GLIS3: variants seen among roughly 807,000 people sequenced by gnomAD.
The protein encoded by GLIS3 is zinc finger protein GLIS3.
A neutral mutation model predicts 78.6 loss-of-function variants in GLIS3; 53 were observed. The ratio of observed to expected loss-of-function variants is 0.67; its 90% confidence interval spans 0.54 to 0.85. The LOEUF is 0.85. Ranked by LOEUF, GLIS3 falls within the 40% of genes least tolerant of loss-of-function variation. The pLI, the probability that GLIS3 is intolerant of heterozygous loss-of-function variation, is 0.00. For synonymous variants in GLIS3, 684 were observed against 509.9 expected, an observed-to-expected ratio of 1.34 and a Z score of -4.60; for missense variants, 1,703 against 1,231.1, an observed-to-expected ratio of 1.38 and a Z score of -5.74.
At chr9:4,307,781 A>G (rs1316087767) in intron 4 of GLIS3, among the ~76,000 whole-genome samples, 1 of 152,124 alleles carries the variant, frequency 6.6e-6, no homozygotes, top group Non-Finnish European at 1.5e-5. Flanking sequence ...TTAACCAAGG[A>G]ATATGGGCAG....
At chr9:3,882,689 T>C (rs1177171012) in intron 7 of GLIS3, among the ~76,000 whole-genome samples, 1 of 152,146 alleles carries the variant, frequency 6.6e-6, no homozygotes, top group East Asian at 1.9e-4. Flanking sequence ...TTGAATGCTA[T>C]GGCTGGTGAA....
chr9:4,441,281 T>G, the GLIS3 span, among the ~76,000 whole-genome samples: 1 of 152,188 alleles, frequency 6.6e-6, no homozygotes, highest in African/African-American at 2.4e-5. Flanking sequence ...ATGATGTTAG[T>G]TGTGGGTCTG....
chr9:4,153,948 G>C (rs1037284078), intron 2 of GLIS3, among the ~76,000 whole-genome samples: 2 of 152,114 alleles, frequency 1.3e-5, no homozygotes, highest in Non-Finnish European at 2.9e-5. Flanking sequence ...ATGTCACCTA[G>C]GACAGCAGTC....
At chr9:3,891,607 CAGG>C (rs1195533956) in intron 7 of GLIS3, among the ~76,000 whole-genome samples, 3 of 152,094 alleles carry the variant, frequency 2.0e-5, no homozygotes, top group African/African-American at 4.8e-5. Flanking sequence ...AAGGCTGAGG[CAGG>C]AGGATGACTT....
At position 4,285,990 on chromosome 9, in the gene GLIS3, G is replaced by C. The variant is rs775373838; in HGVS notation, c.388+48C>G. The stretch of plus-strand genomic sequence containing the variant: ...TGCTGGCAGAAAATGGGATGGGGGA[G>C]AAAAAAATCGTTTCCATTTTTAAAA... On this transcript the variant is annotated intron_variant, in intron 2 of 10. Coordinates refer to ENST00000381971, the MANE Select transcript of GLIS3 (RefSeq NM_001042413.2). The C allele has an allele frequency of 7.5e-6, 12 of 1,609,690 alleles. No individual in the cohort carries two copies. The East Asian group carries it at 8.9e-5, about 12-fold the overall frequency.
rs576843841 is a variant in GLIS3 at position 4,285,933 on chromosome 9, T to C, written c.388+105A>G. On this transcript the variant is annotated intron_variant, in intron 2 of 10. Transcript: ENST00000381971. ...ATTATGAGACCATCATCTTTGACCCTGACACTGAATCATGTATTTTTCCAT... is the reference window on the plus strand; with the variant it reads ...ATTATGAGACCATCATCTTTGACCCCGACACTGAATCATGTATTTTTCCAT... 1.8e-5 allele frequency: 24 copies of C among 1,359,504 alleles called. 2 individuals carry two copies. In the South Asian group the frequency reaches 2.8e-4, roughly 16 times the overall value. 84.2% of individuals were successfully genotyped at this position (1,359,504 alleles called of 1,614,324 possible).
At chr9:4,330,637 G>C (rs111925762) in intron 2 of GLIS3, among the ~76,000 whole-genome samples, 11 of 15,154 alleles carry the variant, frequency 7.3e-4, no homozygotes, top group African/African-American at 1.8e-3. Context: ...ATGGAGATGA[G>C]GAGAGGTGGA....
At chr9:4,000,008 C>T (rs1821019738) in intron 4 of GLIS3, among the ~76,000 whole-genome samples, 1 of 152,096 alleles carries the variant, frequency 6.6e-6, no homozygotes, top group Non-Finnish European at 1.5e-5. Context: ...CGTACATATG[C>T]TTCCAGTAAA....
chr9:4,447,954 GT>G, the GLIS3 span, among the ~76,000 whole-genome samples: 1 of 151,662 alleles, frequency 6.6e-6, no homozygotes, highest in Non-Finnish European at 1.5e-5. Context: ...CTCTCAATAT[GT>G]TGCCCAGACT....
the GLIS3 span, among the ~76,000 whole-genome samples, chr9:4,358,326 CAA>C: frequency 9.2e-5 from 11 of 119,298 alleles, 1 homozygote; most frequent in South Asian, 3.1e-3. Context: ...TTGTAATTTA[CAA>C]AAAAAAGAGA....
chr9:4,254,636 T>A (rs1220816261), intron 2 of GLIS3, among the ~76,000 whole-genome samples: 1 of 151,914 alleles, frequency 6.6e-6, no homozygotes, highest in African/African-American at 2.4e-5. Context: ...GGTCAGGAGT[T>A]CAAGACCAGC....
chr9:3,949,606 C>T (rs1032079421), intron 4 of GLIS3, among the ~76,000 whole-genome samples: 6 of 152,182 alleles, frequency 3.9e-5, no homozygotes, highest in Non-Finnish European at 5.9e-5. Flanking sequence ...TCCTTAGGTG[C>T]GTACTTAGCT....
chr9:4,473,853 C>A, the GLIS3 span, among the ~76,000 whole-genome samples: 1 of 151,940 alleles, frequency 6.6e-6, no homozygotes, highest in Non-Finnish European at 1.5e-5. Context: ...ACCTTAGATA[C>A]TGAGAGAAAA....
At chr9:4,315,895 A>G (rs1383019518) in intron 2 of GLIS3, among the ~76,000 whole-genome samples, 2 of 152,112 alleles carry the variant, frequency 1.3e-5, no homozygotes, top group East Asian at 1.9e-4. Context: ...CTTAGAGCAG[A>G]TATCTCGTAT....
intron 4 of GLIS3, among the ~76,000 whole-genome samples, chr9:4,029,603 C>T (rs1823647979): frequency 6.6e-6 from 1 of 152,042 alleles, no homozygotes; most frequent in South Asian, 2.1e-4. Flanking sequence ...CCCAAGCCCC[C>T]CACCACCCTT....
chr9:4,205,229 C>A (rs144901940), intron 2 of GLIS3, among the ~76,000 whole-genome samples: 14 of 150,866 alleles, frequency 9.3e-5, no homozygotes, highest in African/African-American at 3.4e-4. Context: ...CAGCAAGCCA[C>A]TATTATTGCT....
intron 4 of GLIS3, among the ~76,000 whole-genome samples, chr9:4,101,596 G>T (rs778910202): frequency 6.6e-6 from 1 of 152,106 alleles, no homozygotes; most frequent in Non-Finnish European, 1.5e-5. Flanking sequence ...TATTTTTCTA[G>T]GGTAATACAT....
chr9:3,926,209 G>A (rs1366723093), intron 6 of GLIS3, among the ~76,000 whole-genome samples: 3 of 151,162 alleles, frequency 2.0e-5, no homozygotes, highest in Admixed American at 2.0e-4. Flanking sequence ...ACAGTATTGC[G>A]ACTAAAGCAA....
chr9:4,413,606 A>G, the GLIS3 span, among the ~76,000 whole-genome samples: 1 of 152,058 alleles, frequency 6.6e-6, no homozygotes, highest in Non-Finnish European at 1.5e-5. Context: ...CTCTGACATG[A>G]AAAGTTCTGT....
Sources: gnomAD v4.1 joint callset for allele counts (sites outside exome capture counted in the v4.1 genomes callset) on GRCh38, gnomAD v4.1.1 for gene constraint, MANE v1.5 for transcripts, NCBI Gene and HGNC (gene_info 2026-07-23, HGNC 2026-07-21) for gene names.